The following KCNH5 variants were observed in gnomAD, a reference collection of about 807,000 sequenced individuals.
The protein encoded by KCNH5 is voltage-gated delayed rectifier potassium channel KCNH5.
A neutral mutation model predicts 96.1 loss-of-function variants in KCNH5; 46 were observed. The observed-to-expected ratio is 0.48, with a 90% CI of 0.38 to 0.61. KCNH5 has a LOEUF of 0.61. Among genes scored for constraint, KCNH5 ranks in the 20% least tolerant of loss-of-function variants. The pLI is 0.00. For missense variants in KCNH5, 907 were observed against 1,225.8 expected (o/e 0.74, Z 3.88); for synonymous variants, 439 against 449.8 (o/e 0.98, Z 0.30).
intron 7 of KCNH5, among the ~76,000 whole-genome samples, chr14:62,890,282 G>A (rs1159922740): frequency 6.6e-6 from 1 of 152,136 alleles, no homozygotes; most frequent in African/African-American, 2.4e-5. Context: ...ACCATCAATA[G>A]AGTAAACAGA....
At chr14:62,966,273 T>C (rs1890303965) in intron 6 of KCNH5, among the ~76,000 whole-genome samples, 1 of 152,214 alleles carries the variant, frequency 6.6e-6, no homozygotes, top group South Asian at 2.1e-4. Context: ...TCGATCATGC[T>C]TATTTATCAG....
intron 2 of KCNH5, among the ~76,000 whole-genome samples, chr14:63,010,106 G>T (rs992580300): frequency 3.3e-5 from 5 of 152,020 alleles, no homozygotes; most frequent in African/African-American, 9.7e-5. Context: ...AAATAGAATT[G>T]GATTCACAGA....
Position 62,946,589 on chromosome 14 carries a change from T to C in KCNH5, c.1369+3544A>G, listed in dbSNP as rs545119409. Among the ~76,000 whole-genome samples the C allele has an allele frequency of 3.0e-4, 46 of 152,094 alleles. 1 individual carries two copies. The highest frequency in any genetic ancestry group is 2.5e-4 in the Non-Finnish European group (17 of 67,992). On this transcript the variant is annotated intron_variant, in intron 7 of 10. Transcript: ENST00000322893. ...TTGTTACATGGGTAAATGTGTGCCA[T>C]GGTGGTTTGCTGCAATATCAACCCA... is the stretch of plus-strand genomic sequence containing the variant.
intron 9 of KCNH5, among the ~76,000 whole-genome samples, chr14:62,790,814 T>C (rs912976161): frequency 3.3e-5 from 5 of 151,912 alleles, no homozygotes; most frequent in African/African-American, 1.2e-4. Context: ...AATTTTTGTA[T>C]GTTGATTTTG....
intron 8 of KCNH5, among the ~76,000 whole-genome samples, chr14:62,818,109 C>CGGGGGGGGGGGGGG (rs561437417): frequency 5.5e-5 from 2 of 36,120 alleles, no homozygotes; most frequent in Non-Finnish European, 1.1e-4. Context: ...GAGCTGGGGG[C>CGGGGGGGGGGGGGG]GGGGGGGGGG....
chr14:63,016,982 T>C (rs1468963845), intron 1 of KCNH5, 28 bp from the exon 2 acceptor site: 1 of 1,588,668 alleles, frequency 6.3e-7, no homozygotes, highest in Non-Finnish European at 8.5e-7. Flanking sequence ...AAAAAGGAGG[T>C]TATTTAGCTT....
At chr14:62,813,645 A>G (rs1221298846) in intron 8 of KCNH5, among the ~76,000 whole-genome samples, 3 of 152,186 alleles carry the variant, frequency 2.0e-5, no homozygotes, top group Admixed American at 1.3e-4. Flanking sequence ...GCTACCACCA[A>G]ATCTCTCCTT....
At chr14:63,037,092 G>A (rs544357147) in intron 1 of KCNH5, among the ~76,000 whole-genome samples, 1 of 152,198 alleles carries the variant, frequency 6.6e-6, no homozygotes, top group East Asian at 1.9e-4. Context: ...AATAACTACT[G>A]GCATGATATA....
intron 8 of KCNH5, among the ~76,000 whole-genome samples, chr14:62,839,405 C>G (rs1357676279): frequency 6.6e-6 from 1 of 151,924 alleles, no homozygotes; most frequent in South Asian, 2.1e-4. Flanking sequence ...AAAGCTATAC[C>G]CTGATCTGAA....
chr14:62,800,753 A>T (rs1359040776), intron 9 of KCNH5, among the ~76,000 whole-genome samples: 1 of 152,126 alleles, frequency 6.6e-6, no homozygotes, highest in South Asian at 2.1e-4. Context: ...AGCAAACAAG[A>T]ATGGTTTACA....
chr14:62,898,583 A>T (rs918358938), intron 7 of KCNH5, among the ~76,000 whole-genome samples: 27 of 152,100 alleles, frequency 1.8e-4, no homozygotes, highest in African/African-American at 4.6e-4. Context: ...GTGATTTTTT[A>T]AAAAAATATA....
At position 62,705,558 on chromosome 14, in the gene KCNH5, C is replaced by T. The variant is rs898931611; in HGVS notation, c.*1950G>A. On this transcript the variant is annotated 3_prime_UTR_variant, in exon 11 of 11. Coordinates refer to ENST00000322893, the MANE Select transcript of KCNH5 (RefSeq NM_139318.5). The stretch of plus-strand genomic sequence containing the variant: ...TGTAGCATTACATGGAGACGTGTTC[C>T]CCTGAAAACTTCCATTATGGTTAAT... 6.6e-5 allele frequency: 10 copies of T among 151,818 alleles called. No individual in the cohort carries two copies. Among genetic ancestry groups the T allele is most frequent in the Admixed American group, 2.0e-4 (3 of 15,230 alleles). The allele number at this position is 151,818 out of a possible 1,614,324, so 9.4% of individuals were successfully genotyped here.
chr14:62,810,147 A>T (rs1886843727), intron 8 of KCNH5, among the ~76,000 whole-genome samples: 1 of 152,136 alleles, frequency 6.6e-6, no homozygotes, highest in Non-Finnish European at 1.5e-5. Flanking sequence ...CTTAAACTAA[A>T]CACTTATCAA....
chr14:62,973,628 G>C (rs1160517110), intron 6 of KCNH5, among the ~76,000 whole-genome samples: 1 of 152,106 alleles, frequency 6.6e-6, no homozygotes, highest in Non-Finnish European at 1.5e-5. Context: ...ATAAGTTCCT[G>C]TTCTTCATAA....
chr14:62,841,014 G>GAATTTACTAATT, intron 8 of KCNH5, among the ~76,000 whole-genome samples: 2 of 152,002 alleles, frequency 1.3e-5, no homozygotes, highest in South Asian at 4.2e-4. Flanking sequence ...TGGATTTTCA[G>GAATTTACTAATT]TACTGAATAT....
intron 7 of KCNH5, among the ~76,000 whole-genome samples, chr14:62,898,964 A>G (rs1888869377): frequency 6.6e-6 from 1 of 152,184 alleles, no homozygotes; most frequent in Non-Finnish European, 1.5e-5. Context: ...CGTAGCCTCA[A>G]ATATATAAAA....
chr14:62,974,741 T>C (rs778688339), intron 6 of KCNH5, among the ~76,000 whole-genome samples: 13 of 152,222 alleles, frequency 8.5e-5, no homozygotes, highest in Non-Finnish European at 1.5e-4. Flanking sequence ...TCACCATTAA[T>C]GTACTTCCTC....
chr14:62,929,806 T>A (rs1889546011), intron 7 of KCNH5, among the ~76,000 whole-genome samples: 1 of 151,930 alleles, frequency 6.6e-6, no homozygotes, highest in Non-Finnish European at 1.5e-5. Context: ...CCCCACTCCC[T>A]CCCCCTCTAG....
chr14:62,782,211 G>A (rs1886233668), intron 9 of KCNH5, among the ~76,000 whole-genome samples: 2 of 152,170 alleles, frequency 1.3e-5, no homozygotes, highest in South Asian at 4.1e-4. Flanking sequence ...GAGAGGTTGA[G>A]TGAGTGAGAT....
Sources: allele counts gnomAD v4.1 joint callset (sites outside exome capture counted in the v4.1 genomes callset), GRCh38; gene constraint gnomAD v4.1.1; transcripts MANE v1.5; gene names NCBI Gene and HGNC (gene_info 2026-07-23, HGNC 2026-07-21).